Variants in DOCK1 observed in about 807,000 individuals in gnomAD.
DOCK1 encodes the protein dedicator of cytokinesis protein 1.
Under a neutral mutation model 262.7 loss-of-function variants are expected in DOCK1, and 138 were observed. That is an observed-to-expected ratio of 0.53 (90% CI 0.46 to 0.61). The LOEUF (loss-of-function observed/expected upper bound fraction) is 0.61. Ranked by LOEUF, DOCK1 falls within the 20% of genes least tolerant of loss-of-function variation. The pLI, the probability that DOCK1 is intolerant of heterozygous loss-of-function variation, is 0.00. For synonymous variants in DOCK1, 866 were observed against 867.4 expected, an observed-to-expected ratio of 1.00 and a Z score of 0.03; for missense variants, 1,908 against 2,370.7, an observed-to-expected ratio of 0.80 and a Z score of 4.05.
At chr10:127,371,232 A>G (rs750240676) in intron 33 of DOCK1, among the ~76,000 whole-genome samples, 7 of 152,268 alleles carry the variant, frequency 4.6e-5, no homozygotes, top group Non-Finnish European at 1.0e-4. Flanking sequence ...ATTAGAGGCT[A>G]GTTGTGGATC....
chr10:126,965,388 G>A (rs1481253133), intron 1 of DOCK1, among the ~76,000 whole-genome samples: 3 of 152,136 alleles, frequency 2.0e-5, no homozygotes, highest in Non-Finnish European at 4.4e-5. Flanking sequence ...GTTGTGTGCT[G>A]GAGAAATGAG....
At chr10:126,952,994 G>A (rs898696380) in intron 1 of DOCK1, among the ~76,000 whole-genome samples, 4 of 151,532 alleles carry the variant, frequency 2.6e-5, no homozygotes, top group African/African-American at 4.9e-5. Flanking sequence ...TATAGTTAGT[G>A]ATGTAGTGTT....
intron 49 of DOCK1, among the ~76,000 whole-genome samples, chr10:127,440,261 G>A (rs1353075494): frequency 6.6e-6 from 1 of 152,024 alleles, no homozygotes; most frequent in Non-Finnish European, 1.5e-5. Flanking sequence ...TGCAAGGACA[G>A]CACCAAGCCC....
At chr10:127,385,763 G>C (rs7099084) in intron 38 of DOCK1, among the ~76,000 whole-genome samples, 115,636 of 152,116 alleles carry the variant, frequency 0.76, 44,207 homozygotes, top group African/African-American at 0.86. Context: ...TTTTCCTTTG[G>C]GTGTGTTGCT....
chr10:127,180,432 T>C (rs767482546), intron 27 of DOCK1, among the ~76,000 whole-genome samples: 3 of 152,198 alleles, frequency 2.0e-5, no homozygotes, highest in Non-Finnish European at 4.4e-5. Flanking sequence ...AATTGTGTTT[T>C]AGAATTCATT....
intron 1 of DOCK1, among the ~76,000 whole-genome samples, chr10:126,934,747 G>GTTTTTT (rs1166445414): frequency 6.4e-4 from 69 of 107,458 alleles, no homozygotes; most frequent in African/African-American, 1.7e-3. Flanking sequence ...GAATTTACGA[G>GTTTTTT]TTTTTTTTTT....
intron 37 of DOCK1, among the ~76,000 whole-genome samples, chr10:127,382,564 G>A (rs1175563687): frequency 6.6e-6 from 1 of 152,208 alleles, no homozygotes; most frequent in Non-Finnish European, 1.5e-5. Context: ...CTCCCAAGGA[G>A]CATAATTTAT....
At chr10:127,245,823 T>A (rs2059414860) in intron 27 of DOCK1, among the ~76,000 whole-genome samples, 1 of 152,206 alleles carries the variant, frequency 6.6e-6, no homozygotes, top group South Asian at 2.1e-4. Context: ...GCTAAGCACA[T>A]TGATACATTG....
At chr10:127,029,766 A>T (rs748460712) in intron 16 of DOCK1, among the ~76,000 whole-genome samples, 9 of 152,160 alleles carry the variant, frequency 5.9e-5, no homozygotes, top group Non-Finnish European at 1.3e-4. Context: ...AGGTGCACTT[A>T]CTGTACTACT....
intron 1 of DOCK1, among the ~76,000 whole-genome samples, chr10:126,949,969 T>C (rs1193747529): frequency 2.0e-5 from 3 of 151,964 alleles, no homozygotes; most frequent in African/African-American, 7.2e-5. Context: ...AGAAGCTGGG[T>C]CAGAAACATT....
intron 18 of DOCK1, among the ~76,000 whole-genome samples, chr10:127,033,797 C>T (rs762519940): frequency 2.0e-5 from 3 of 152,120 alleles, no homozygotes; most frequent in South Asian, 2.1e-4. Context: ...TTTGGGCATG[C>T]GAGCCCTGGG....
Position 126,948,327 on chromosome 10 carries a change from T to TGG in DOCK1, c.47-22375_47-22374insGG, listed in dbSNP as rs2035766381. On this transcript the variant is annotated intron_variant, in intron 1 of 51. Transcript: ENST00000623213. The stretch of plus-strand genomic sequence containing the variant: ...TTACTGTTGGTGGTGATGGTGGTGG[T>TGG]TGGTAGTATTACTGTTGGTGGTGAT... Among the ~76,000 whole-genome samples the TGG allele has an allele frequency of 3.7e-4, 6 of 16,278 alleles. 2 individuals are homozygous for TGG. Among genetic ancestry groups the TGG allele is most frequent in the African/African-American group, 6.5e-4 (2 of 3,076 alleles). 10.7% of individuals were successfully genotyped at this position (16,278 alleles called of 152,430 possible). A position where few individuals can be genotyped will look rare whatever the true frequency, so the allele number is the denominator to read the frequency against.
intron 27 of DOCK1, among the ~76,000 whole-genome samples, chr10:127,179,527 GTTCT>G (rs1176950508): frequency 2.0e-5 from 3 of 152,170 alleles, no homozygotes; most frequent in Non-Finnish European, 4.4e-5. Flanking sequence ...GAGGTTATGA[GTTCT>G]TTCTGACGGC....
intron 12 of DOCK1, among the ~76,000 whole-genome samples, chr10:127,018,290 T>A (rs1027232804): frequency 6.6e-6 from 1 of 152,192 alleles, no homozygotes; most frequent in African/African-American, 2.4e-5. Flanking sequence ...AAGCTACGAA[T>A]TCACCTCCAG....
At chr10:126,918,508 A>T (rs1591308923) in intron 1 of DOCK1, among the ~76,000 whole-genome samples, 1 of 152,232 alleles carries the variant, frequency 6.6e-6, no homozygotes, top group Non-Finnish European at 1.5e-5. Flanking sequence ...TCTGGGCAGG[A>T]TAATTTTTCA....
At chr10:126,912,763 C>T (rs2031995918) in intron 1 of DOCK1, among the ~76,000 whole-genome samples, 1 of 151,078 alleles carries the variant, frequency 6.6e-6, no homozygotes, top group African/African-American at 2.4e-5. Context: ...GGACACTAGT[C>T]ATGCTGGATA....
At chr10:127,214,142 C>T (rs7072507) in intron 27 of DOCK1, among the ~76,000 whole-genome samples, 54,903 of 152,056 alleles carry the variant, frequency 0.36, 10,113 homozygotes, top group South Asian at 0.49. Context: ...CCACTGCACC[C>T]GACCTTTTTT....
chr10:126,927,039 T>C (rs945000675), intron 1 of DOCK1, among the ~76,000 whole-genome samples: 1 of 152,194 alleles, frequency 6.6e-6, no homozygotes, highest in Non-Finnish European at 1.5e-5. Context: ...GAGAGACTTG[T>C]AGGCTTTTAG....
chr10:127,299,295 G>T (rs1250078028), intron 29 of DOCK1, among the ~76,000 whole-genome samples: 2 of 152,146 alleles, frequency 1.3e-5, no homozygotes, highest in Admixed American at 1.3e-4. Flanking sequence ...GTAGATACAG[G>T]GTTTCACCAT....
Sources: allele counts gnomAD v4.1 joint callset (sites outside exome capture counted in the v4.1 genomes callset), GRCh38; gene constraint gnomAD v4.1.1; transcripts MANE v1.5; gene names NCBI Gene and HGNC (gene_info 2026-07-23, HGNC 2026-07-21).